The following BNC2 variants were observed in gnomAD, a reference collection of about 807,000 sequenced individuals.
BNC2 encodes zinc finger protein basonuclin-2.
Under a neutral mutation model 76.3 loss-of-function variants are expected in BNC2, and 20 were observed. The observed-to-expected ratio is 0.26, with a 90% CI of 0.18 to 0.38. The LOEUF is 0.38. Among genes scored for constraint, BNC2 ranks in the 10% least tolerant of loss-of-function variants. The probability of loss-of-function intolerance (pLI) is 1.00; values close to 1 mark genes in which losing one functional copy is unlikely to be tolerated. For missense variants in BNC2, 1,382 were observed against 1,399.8 expected, an observed-to-expected ratio of 0.99 and a Z score of 0.20; for synonymous variants, 582 against 514.8, an observed-to-expected ratio of 1.13 and a Z score of -1.77.
chr9:16,667,103 ACACACG>A (rs933062281), intron 3 of BNC2, among the ~76,000 whole-genome samples: 6 of 151,302 alleles, frequency 4.0e-5, no homozygotes, highest in East Asian at 1.9e-4. Flanking sequence ...ACACACACAC[ACACACG>A]CACACACGCA....
intron 4 of BNC2, among the ~76,000 whole-genome samples, chr9:16,559,380 G>A (rs1818942460): frequency 6.6e-6 from 1 of 152,090 alleles, no homozygotes; most frequent in African/African-American, 2.4e-5. Context: ...CCAAAAGATT[G>A]GACATCCCTG....
intron 3 of BNC2, among the ~76,000 whole-genome samples, chr9:16,659,416 T>A (rs924146525): frequency 6.6e-6 from 1 of 151,996 alleles, no homozygotes; most frequent in Non-Finnish European, 1.5e-5. Context: ...GAGACCATCC[T>A]GGCCAACATG....
intron 1 of BNC2, among the ~76,000 whole-genome samples, chr9:16,807,544 G>C (rs1394978414): frequency 1.3e-5 from 2 of 152,160 alleles, no homozygotes; most frequent in Non-Finnish European, 2.9e-5. Context: ...AAGAAAATGA[G>C]AAGGAGGTGG....
At chr9:16,573,413 T>C (rs192230138) in intron 4 of BNC2, among the ~76,000 whole-genome samples, 29 of 152,286 alleles carry the variant, frequency 1.9e-4, no homozygotes, top group African/African-American at 6.7e-4. Flanking sequence ...TTAAATAAGA[T>C]GACAGCTCCA....
At chr9:16,722,355 G>C (rs987011868) in intron 3 of BNC2, among the ~76,000 whole-genome samples, 1 of 152,218 alleles carries the variant, frequency 6.6e-6, no homozygotes, top group African/African-American at 2.4e-5. Context: ...GTGGGAGGAT[G>C]TGCTGCTGTG....
chr9:16,588,318 C>T (rs1476770056), intron 3 of BNC2, among the ~76,000 whole-genome samples: 1 of 152,140 alleles, frequency 6.6e-6, no homozygotes. Flanking sequence ...TACTCCAACA[C>T]CTTGCAAATT....
chr9:16,654,509 AC>A (rs1333257522), intron 3 of BNC2, among the ~76,000 whole-genome samples: 1 of 152,232 alleles, frequency 6.6e-6, no homozygotes, highest in Non-Finnish European at 1.5e-5. Flanking sequence ...TAACAACAGT[AC>A]CAAAAGACAG....
chr9:16,844,773 G>A (rs1403116520), intron 1 of BNC2, among the ~76,000 whole-genome samples: 1 of 152,120 alleles, frequency 6.6e-6, no homozygotes, highest in African/African-American at 2.4e-5. Context: ...GGGATTACAG[G>A]CATGCGCCAC....
intron 1 of BNC2, among the ~76,000 whole-genome samples, chr9:16,865,250 A>G (rs1819517153): frequency 6.6e-6 from 1 of 152,120 alleles, no homozygotes; most frequent in South Asian, 2.1e-4. Context: ...GGCTGGCTTG[A>G]TGCTATTCCC....
At chr9:16,839,922 T>C (rs1012047269) in intron 1 of BNC2, among the ~76,000 whole-genome samples, 1 of 152,208 alleles carries the variant, frequency 6.6e-6, no homozygotes, top group African/African-American at 2.4e-5. Flanking sequence ...CAGAAACTGC[T>C]AAACTAATCC....
intron 3 of BNC2, among the ~76,000 whole-genome samples, chr9:16,697,902 T>C (rs1266062655): frequency 1.3e-5 from 2 of 152,126 alleles, no homozygotes; most frequent in Non-Finnish European, 2.9e-5. Context: ...CCCATTACAT[T>C]GCCCTGAGAT....
At chr9:16,506,360 C>T (rs1315952876) in intron 5 of BNC2, among the ~76,000 whole-genome samples, 2 of 152,094 alleles carry the variant, frequency 1.3e-5, no homozygotes, top group Non-Finnish European at 2.9e-5. Flanking sequence ...TAGCTTCTTT[C>T]CTGTGACTCT....
chr9:16,815,221 C>T (rs150266800), intron 1 of BNC2, among the ~76,000 whole-genome samples: 1,630 of 152,210 alleles, frequency 0.011, 33 homozygotes, highest in African/African-American at 0.037. Context: ...AACAGCTAAA[C>T]TAGATTAAGT....
chr9:16,550,459 C>T (rs1818624588), intron 5 of BNC2, among the ~76,000 whole-genome samples: 1 of 152,158 alleles, frequency 6.6e-6, no homozygotes, highest in Non-Finnish European at 1.5e-5. Context: ...TGGGGAAAAA[C>T]TAACATCTAA....
At chr9:16,691,542 T>C (rs374332766) in intron 3 of BNC2, among the ~76,000 whole-genome samples, 4 of 142,236 alleles carry the variant, frequency 2.8e-5, no homozygotes, top group African/African-American at 5.5e-5. Flanking sequence ...CAGAGTCTCA[T>C]TCTGTCACCC....
At chr9:16,628,540 A>G (rs1323414620) in intron 3 of BNC2, among the ~76,000 whole-genome samples, 1 of 152,116 alleles carries the variant, frequency 6.6e-6, no homozygotes, top group African/African-American at 2.4e-5. Context: ...TATCTAAATA[A>G]GTGAGGTGGG....
chr9:16,737,396 G>A (rs369217571), intron 2 of BNC2, among the ~76,000 whole-genome samples: 3 of 151,240 alleles, frequency 2.0e-5, no homozygotes, highest in Non-Finnish European at 2.9e-5. Context: ...GACTACAGGC[G>A]CCCGCCACCA....
intron 5 of BNC2, among the ~76,000 whole-genome samples, chr9:16,525,376 C>T (rs767440782): frequency 1.3e-5 from 2 of 152,046 alleles, no homozygotes; most frequent in African/African-American, 2.4e-5. Context: ...GGCTAATACT[C>T]TTTAGATACA....
At chr9:16,435,489 G>A (rs756350706) in intron 6 of BNC2, 66 bp downstream of exon 6, 19 of 1,562,584 alleles carry the variant, frequency 1.2e-5, no homozygotes, top group Non-Finnish European at 1.4e-5. Context: ...TTAGTGTGAA[G>A]TCCAACATGA....
Sources: gnomAD v4.1 joint callset for allele counts (sites outside exome capture counted in the v4.1 genomes callset) on GRCh38, gnomAD v4.1.1 for gene constraint, MANE v1.5 for transcripts, NCBI Gene and HGNC (gene_info 2026-07-23, HGNC 2026-07-21) for gene names.